MOB1B: variants seen among roughly 807,000 people sequenced by gnomAD.
MOB1B encodes the protein MOB kinase activator 1B, also known as MOB1 Mps One Binder homolog B.
Under a neutral mutation model 24.4 loss-of-function variants are expected in MOB1B, and 19 were observed. The ratio of observed to expected loss-of-function variants is 0.78; its 90% CI spans 0.54 to 1.14. The LOEUF (loss-of-function observed/expected upper bound fraction) is 1.14. Ranked by LOEUF, MOB1B falls within the 50% of genes most tolerant of loss-of-function variation. The pLI is 0.00. For synonymous variants in MOB1B, 76 were observed against 82.1 expected (o/e 0.93, Z 0.40); for missense variants, 243 against 259.6 (o/e 0.94, Z 0.44).
chr4:70,945,154 G>C, intron 1 of MOB1B, among the ~76,000 whole-genome samples: 1 of 152,150 alleles, frequency 6.6e-6, no homozygotes, highest in Admixed American at 6.5e-5. Flanking sequence ...ATACATAGAT[G>C]TGATTGCACA....
chr4:70,965,796 C>CAAAAAAAAAAA (rs71211986), intron 2 of MOB1B, among the ~76,000 whole-genome samples: 3 of 28,698 alleles, frequency 1.0e-4, no homozygotes, highest in African/African-American at 2.5e-4. Context: ...GACTCCGTCT[C>CAAAAAAAAAAA]AAAAAAAAAA....
intron 1 of MOB1B, among the ~76,000 whole-genome samples, chr4:70,906,266 T>A (rs181799911): frequency 6.6e-6 from 1 of 152,028 alleles, no homozygotes. Context: ...TAATCCCAGT[T>A]ACATGGGAGA....
Position 70,987,316 on chromosome 4 carries a change from A to C in MOB1B, c.*5259A>C, listed in dbSNP as rs1739413152. 1 of 151,776 alleles carries C rather than the reference A, an allele frequency of 6.6e-6. No individual in the cohort carries two copies. Among genetic ancestry groups the C allele is most frequent in the Non-Finnish European group, 1.5e-5 (1 of 67,870 alleles). The allele number at this position is 151,776 out of a possible 1,614,324, so 9.4% of individuals were successfully genotyped here. The stretch of plus-strand genomic sequence containing the variant: ...ATATTAAATTGTTTTTTACTTATAA[A>C]TTCATGTTCTCATCTGATTTAATAT... On this transcript the variant is annotated 3_prime_UTR_variant, in exon 6 of 6. Coordinates refer to ENST00000309395, the MANE Select transcript of MOB1B (RefSeq NM_173468.4).
At chr4:70,902,222 T>G, upstream of MOB1B, 1 of 532,196 alleles carries the variant, frequency 1.9e-6, no homozygotes, top group Non-Finnish European at 3.4e-6. Context: ...CGGGGTGGGC[T>G]TGCACCGCTA....
intron 1 of MOB1B, among the ~76,000 whole-genome samples, chr4:70,954,452 CTTTTCT>C (rs757593839): frequency 1.4e-4 from 21 of 152,006 alleles, no homozygotes; most frequent in African/African-American, 1.9e-4. Flanking sequence ...TTTTTCTTTT[CTTTTCT>C]TTTTCTTTTT....
intron 3 of MOB1B, among the ~76,000 whole-genome samples, chr4:70,971,862 T>G (rs1214229571): frequency 6.6e-6 from 1 of 152,166 alleles, no homozygotes; most frequent in Non-Finnish European, 1.5e-5. Flanking sequence ...TAAAGCTGTG[T>G]GGTCTCCTGC....
At chr4:70,974,191 C>T (rs6829835) in intron 3 of MOB1B, among the ~76,000 whole-genome samples, 16,159 of 151,804 alleles carry the variant, frequency 0.11, 1,893 homozygotes, top group African/African-American at 0.29. Flanking sequence ...CGGAGTCTCA[C>T]TCTGTTGCTC....
chr4:70,906,343 C>T (rs1735746590), intron 1 of MOB1B, among the ~76,000 whole-genome samples: 1 of 152,140 alleles, frequency 6.6e-6, no homozygotes, highest in Non-Finnish European at 1.5e-5. Context: ...TGCCACTGCA[C>T]TCCAGCCTGG....
At chr4:70,941,064 A>G (rs575401690) in intron 1 of MOB1B, among the ~76,000 whole-genome samples, 9 of 152,224 alleles carry the variant, frequency 5.9e-5, no homozygotes, top group Admixed American at 4.6e-4. Context: ...TTGTCTTACT[A>G]TGACTGCAGA....
chr4:70,913,259 G>GGTATGTAT (rs58774039), intron 1 of MOB1B, among the ~76,000 whole-genome samples: 59 of 150,024 alleles, frequency 3.9e-4, no homozygotes, highest in Non-Finnish European at 5.3e-4. Flanking sequence ...CGTTTGTATG[G>GGTATGTAT]GTATGTATGT....
chr4:70,934,585 C>T lies in MOB1B; in HGVS notation c.15-24289C>T, dbSNP rs375521726. ...TCTTCTGCCTCAGCCTCCCGAGTAG[C>T]TGGGATTACAGGCGACTGCCACCAT... On this transcript the variant is annotated intron_variant, in intron 1 of 5. Coordinates refer to ENST00000309395, the MANE Select transcript of MOB1B (RefSeq NM_173468.4). 1.4e-4 allele frequency among the ~76,000 whole-genome samples: 22 copies of T among 151,932 alleles called. 1 individual carries two copies. The South Asian group carries it at 4.6e-3, about 32-fold the overall frequency.
chr4:70,958,849 C>CT lies in MOB1B; in HGVS notation c.15-16dup, dbSNP rs201154218. 2.0e-3 allele frequency: 3,066 copies of CT among 1,545,108 alleles called. 3 individuals carry two copies. The highest frequency in any genetic ancestry group is 2.4e-3 in the Non-Finnish European group (2,667 of 1,134,364). ...AATGTCATGCCTTAAATATTAAACC[C>CT]TTTTTTTTTCTTTTCTATTCATAGT... On this transcript the variant is annotated intron_variant, in intron 1 of 5. Transcript: ENST00000309395.
At chr4:70,957,665 A>C (rs1046172072) in intron 1 of MOB1B, among the ~76,000 whole-genome samples, 1 of 151,206 alleles carries the variant, frequency 6.6e-6, no homozygotes, top group East Asian at 1.9e-4. Context: ...CTGGTCTCGA[A>C]CTCCTGGCCT....
chr4:70,973,402 C>G (rs1578401694), intron 3 of MOB1B, among the ~76,000 whole-genome samples: 1 of 138,638 alleles, frequency 7.2e-6, no homozygotes, highest in Non-Finnish European at 1.5e-5. Flanking sequence ...CCCAGGAGTT[C>G]AAGGGTGCGG....
intron 1 of MOB1B, among the ~76,000 whole-genome samples, chr4:70,941,269 C>T (rs1737325107): frequency 6.6e-6 from 1 of 151,734 alleles, no homozygotes; most frequent in African/African-American, 2.4e-5. Context: ...AATATGTTCT[C>T]AGTACTATAC....
At chr4:70,936,168 A>G (rs1198701207) in intron 1 of MOB1B, among the ~76,000 whole-genome samples, 1 of 151,490 alleles carries the variant, frequency 6.6e-6, no homozygotes, top group Non-Finnish European at 1.5e-5. Flanking sequence ...TAATTTTTGT[A>G]TTTTTAGTAG....
chr4:70,910,679 T>C (rs1275373110), intron 1 of MOB1B, among the ~76,000 whole-genome samples: 1 of 152,046 alleles, frequency 6.6e-6, no homozygotes, highest in Non-Finnish European at 1.5e-5. Flanking sequence ...ATAATATACA[T>C]GTTGGAGAAA....
chr4:70,940,316 C>T (rs550612000), intron 1 of MOB1B, among the ~76,000 whole-genome samples: 2 of 152,254 alleles, frequency 1.3e-5, no homozygotes, highest in Admixed American at 6.5e-5. Flanking sequence ...CTCTGTCTAC[C>T]CAGCACTTTT....
chr4:70,934,277 G>A (rs1736996576), intron 1 of MOB1B, among the ~76,000 whole-genome samples: 1 of 151,340 alleles, frequency 6.6e-6, no homozygotes, highest in African/African-American at 2.4e-5. Flanking sequence ...GTAGAGATGG[G>A]GTTTCACCAT....
Sources: allele counts gnomAD v4.1 joint callset (sites outside exome capture counted in the v4.1 genomes callset), GRCh38; gene constraint gnomAD v4.1.1; transcripts MANE v1.5; gene names NCBI Gene and HGNC (gene_info 2026-07-23, HGNC 2026-07-21).